The following NHS variants were observed in gnomAD, a reference collection of about 807,000 sequenced individuals.
The protein encoded by NHS is actin remodeling regulator NHS.
In NHS, 5 loss-of-function variants were observed where a neutral mutation model predicts 72.5. The observed-to-expected ratio is 0.07, with a 90% CI of 0.04 to 0.14. NHS has a LOEUF of 0.14. Ranked by LOEUF, NHS falls within the 10% of genes least tolerant of loss-of-function variation. The pLI, the probability that NHS is intolerant of heterozygous loss-of-function variation, is 1.00. For missense variants in NHS, 1,072 were observed against 1,355.7 expected (o/e 0.79, Z 3.29); for synonymous variants, 464 against 547.7 (o/e 0.85, Z 2.13).
At position 17,732,154 on chromosome X, in the gene NHS, C is replaced by A. The variant is rs1064797359; in HGVS notation, c.4646C>A (p.Pro1549His). The change falls in exon 9 of 9, where the codon CCT becomes CAT. Residue 1549 changes from proline (P) to histidine (H), a missense_variant. By Grantham distance (77) the Pro-to-His change is moderately conservative. Transcript: ENST00000676302. ...AAGAGCCCCATACTGCCCAAACCTC[C>A]TGGGGAGCTCACAGCAGAGTCCCCT... The part of the protein sequence containing the change: ...ILKSPILPKP[P>H]GELTAESPQS... The A allele has an allele frequency of 5.8e-6, 7 of 1,210,426 alleles. No homozygotes were observed. The highest frequency in any genetic ancestry group is 6.7e-6 in the Non-Finnish European group (6 of 895,314).
intron 1 of NHS, among the ~76,000 whole-genome samples, chrX:17,555,864 C>T (rs1238743649): frequency 9.8e-6 from 1 of 101,941 alleles, no homozygotes; most frequent in Non-Finnish European, 2.0e-5. Flanking sequence ...GGAGTTACAC[C>T]CTTCAAAGGT....
chrX:17,716,416 GT>G (rs2066364398), intron 3 of NHS, among the ~76,000 whole-genome samples: 1 of 111,973 alleles, frequency 8.9e-6, no homozygotes, highest in South Asian at 3.7e-4. Flanking sequence ...TTTGAAGTAG[GT>G]TCCTTTCCCA....
intron 1 of NHS, among the ~76,000 whole-genome samples, chrX:17,452,498 TTTTTTG>T (rs201488207): frequency 1.8e-5 from 2 of 109,089 alleles, no homozygotes; most frequent in East Asian, 2.9e-4. Context: ...TGTGTTTTTT[TTTTTTG>T]TTTTTGTTTT....
chrX:17,572,877 G>A (rs1373501468), intron 1 of NHS, among the ~76,000 whole-genome samples: 1 of 111,571 alleles, frequency 9.0e-6, no homozygotes, highest in Non-Finnish European at 1.9e-5. Context: ...AGGCCTGGTG[G>A]TGACAAAATC....
intron 1 of NHS, among the ~76,000 whole-genome samples, chrX:17,481,870 T>C (rs2064947294): frequency 8.9e-6 from 1 of 112,059 alleles, no homozygotes; most frequent in African/African-American, 3.2e-5. Context: ...TTCATGTAAA[T>C]AGAATCATAT....
At chrX:17,645,600 G>A (rs1460118159) in intron 1 of NHS, among the ~76,000 whole-genome samples, 1 of 111,039 alleles carries the variant, frequency 9.0e-6, no homozygotes, top group Non-Finnish European at 1.9e-5. Context: ...GTGGTCCCCC[G>A]CTGGGCTATT....
intron 1 of NHS, among the ~76,000 whole-genome samples, chrX:17,549,999 G>A (rs757413687): frequency 9.0e-6 from 1 of 111,274 alleles, no homozygotes; most frequent in Non-Finnish European, 1.9e-5. Context: ...TCAAATGCAG[G>A]GCATTTAAAC....
chrX:17,577,961 G>T (rs1289762299), intron 1 of NHS, among the ~76,000 whole-genome samples: 1 of 112,157 alleles, frequency 8.9e-6, no homozygotes, highest in Non-Finnish European at 1.9e-5. Context: ...GAACATATAT[G>T]CCCTGATATA....
intron 1 of NHS, among the ~76,000 whole-genome samples, chrX:17,604,489 G>GA (rs1445927896): frequency 3.6e-5 from 4 of 112,227 alleles, no homozygotes; most frequent in African/African-American, 1.3e-4. Context: ...TGCTGTTTTA[G>GA]AAAGTAACTT....
At chrX:17,627,558 C>T (rs1233036056) in intron 1 of NHS, among the ~76,000 whole-genome samples, 1 of 112,002 alleles carries the variant, frequency 8.9e-6, no homozygotes, top group Non-Finnish European at 1.9e-5. Flanking sequence ...CTTTCTTTAG[C>T]ATTCACACTA....
At chrX:17,592,010 ATGTGTG>A (rs57852279) in intron 1 of NHS, among the ~76,000 whole-genome samples, 23 of 104,759 alleles carry the variant, frequency 2.2e-4, no homozygotes, top group Admixed American at 1.2e-3. Context: ...TGGTCCACTG[ATGTGTG>A]TGTGTGTGTG....
At chrX:17,674,537 G>A (rs564013415) in intron 1 of NHS, among the ~76,000 whole-genome samples, 2 of 112,162 alleles carry the variant, frequency 1.8e-5, no homozygotes, top group African/African-American at 6.5e-5. Context: ...GGGTGAAGCT[G>A]TCTGATCCCT....
intron 1 of NHS, among the ~76,000 whole-genome samples, chrX:17,457,217 C>T (rs1229057354): frequency 1.8e-5 from 2 of 111,618 alleles, no homozygotes; most frequent in African/African-American, 3.3e-5. Context: ...ACAGAGAGGT[C>T]GTCTTAGTCC....
At chrX:17,392,246 G>A (rs113312576) in intron 1 of NHS, among the ~76,000 whole-genome samples, 4,859 of 111,924 alleles carry the variant, frequency 0.043, 278 homozygotes, top group African/African-American at 0.15. Flanking sequence ...TAGGGCCACC[G>A]TATGGAAAGA....
At chrX:17,501,005 G>A (rs1167420597) in intron 1 of NHS, among the ~76,000 whole-genome samples, 1 of 111,827 alleles carries the variant, frequency 8.9e-6, no homozygotes, top group Non-Finnish European at 1.9e-5. Flanking sequence ...TTCTTTAAAA[G>A]TTGTGCTGCA....
At chrX:17,561,391 C>T (rs1268678204) in intron 1 of NHS, among the ~76,000 whole-genome samples, 1 of 110,155 alleles carries the variant, frequency 9.1e-6, no homozygotes, top group Non-Finnish European at 1.9e-5. Flanking sequence ...ATCTCCATTC[C>T]AGCGTCTGGG....
At chrX:17,507,668 A>G (rs1019989080) in intron 1 of NHS, among the ~76,000 whole-genome samples, 2 of 112,203 alleles carry the variant, frequency 1.8e-5, no homozygotes, top group Non-Finnish European at 3.8e-5. Context: ...TGTTTACCCG[A>G]GGTGTCTGAT....
chrX:17,440,087 C>T (rs190441296), intron 1 of NHS, among the ~76,000 whole-genome samples: 2 of 108,618 alleles, frequency 1.8e-5, no homozygotes, highest in African/African-American at 3.4e-5. Context: ...TGGTGAAACC[C>T]CCGTCTCTAC....
chrX:17,425,568 A>AAAAAAAAG (rs2064651928), intron 1 of NHS, among the ~76,000 whole-genome samples: 1 of 77,074 alleles, frequency 1.3e-5, no homozygotes. Flanking sequence ...AAAAAAAAAA[A>AAAAAAAAG]AAAGAAAGAA....
Sources: gnomAD v4.1 joint callset for allele counts (sites outside exome capture counted in the v4.1 genomes callset) on GRCh38, gnomAD v4.1.1 for gene constraint, MANE v1.5 for transcripts, NCBI Gene and HGNC (gene_info 2026-07-23, HGNC 2026-07-21) for gene names.